CLMN: variants seen among roughly 807,000 people sequenced by gnomAD.
CLMN encodes the protein calmin (calponin-like, transmembrane).
Under a neutral mutation model 92.7 loss-of-function variants are expected in CLMN, and 57 were observed. That is an observed-to-expected ratio of 0.61 (90% CI 0.50 to 0.77). The LOEUF (loss-of-function observed/expected upper bound fraction) is 0.77. Among genes scored for constraint, CLMN ranks in the 30% least tolerant of loss-of-function variants. The pLI is 0.00. For missense variants in CLMN, 1,158 were observed against 1,237.5 expected, an observed-to-expected ratio of 0.94 and a Z score of 0.96; for synonymous variants, 466 against 470.6, an observed-to-expected ratio of 0.99 and a Z score of 0.13.
chr14:95,204,948 C>T (rs1054677252), intron 8 of CLMN, among the ~76,000 whole-genome samples: 1 of 152,172 alleles, frequency 6.6e-6, no homozygotes, highest in African/African-American at 2.4e-5. Context: ...GCCCTCCAAA[C>T]ACAAAAGCAA....
chr14:95,206,419 G>A (rs1385716071), intron 8 of CLMN, among the ~76,000 whole-genome samples: 1 of 151,972 alleles, frequency 6.6e-6, no homozygotes, highest in Non-Finnish European at 1.5e-5. Context: ...CATATTAACA[G>A]CATATTAAAG....
intron 2 of CLMN, among the ~76,000 whole-genome samples, chr14:95,228,587 T>C (rs1458669150): frequency 1.3e-5 from 2 of 152,268 alleles, no homozygotes; most frequent in Non-Finnish European, 2.9e-5. Flanking sequence ...CCACATTTAT[T>C]TTCTCTGCTT....
At chr14:95,312,059 G>A (rs1256824003) in intron 1 of CLMN, among the ~76,000 whole-genome samples, 8 of 152,022 alleles carry the variant, frequency 5.3e-5, no homozygotes, top group Non-Finnish European at 1.0e-4. Context: ...TGCCGCCACC[G>A]TGTTCTCCAC....
intron 1 of CLMN, among the ~76,000 whole-genome samples, chr14:95,278,792 C>T (rs1432063734): frequency 6.6e-6 from 1 of 152,102 alleles, no homozygotes; most frequent in Non-Finnish European, 1.5e-5. Context: ...GTTATGGAAA[C>T]ATCCCCACCC....
Position 95,197,332 on chromosome 14 carries a change from A to G in CLMN, c.2512-638T>C, listed in dbSNP as rs527490122. On this transcript the variant is annotated intron_variant, in intron 9 of 12. Transcript: ENST00000298912. ...GAAAGAAGAAAGGACAAGAAGAAGA[A>G]AGAAGAAAAGTAAAGAAGAAAAAAG... Among the ~76,000 whole-genome samples, 6 of 151,616 alleles carry G rather than the reference A, an allele frequency of 4.0e-5. No homozygotes were observed. In the South Asian group the frequency reaches 1.3e-3, roughly 32 times the overall value.
chr14:95,245,252 ATAATATATATATATATAT>A (rs1898489735), intron 1 of CLMN, among the ~76,000 whole-genome samples: 1 of 36,248 alleles, frequency 2.8e-5, no homozygotes, highest in Non-Finnish European at 4.3e-5. Context: ...ATATATATAT[ATAATATATATATATATAT>A]TATATATATA....
At chr14:95,197,289 A>G (rs1377564712) in intron 9 of CLMN, among the ~76,000 whole-genome samples, 1 of 151,664 alleles carries the variant, frequency 6.6e-6, no homozygotes, top group Non-Finnish European at 1.5e-5. Flanking sequence ...GAAGAAGGAG[A>G]AGGAGGAGGA....
intron 1 of CLMN, among the ~76,000 whole-genome samples, chr14:95,282,546 T>G (rs1244394352): frequency 2.0e-5 from 3 of 152,132 alleles, no homozygotes; most frequent in African/African-American, 7.2e-5. Flanking sequence ...AAATGAGAAC[T>G]GAGTGGCCAG....
chr14:95,273,385 T>C (rs2140725485), intron 1 of CLMN, among the ~76,000 whole-genome samples: 1 of 152,224 alleles, frequency 6.6e-6, no homozygotes, highest in East Asian at 1.9e-4. Flanking sequence ...CCCTATTCAC[T>C]CCTACCCTGG....
chr14:95,293,695 G>A (rs1263940044), intron 1 of CLMN, among the ~76,000 whole-genome samples: 7 of 38,926 alleles, frequency 1.8e-4, no homozygotes, highest in Non-Finnish European at 2.9e-4. Flanking sequence ...CCCCCGCCCC[G>A]CAGCCCTCTC....
intron 1 of CLMN, among the ~76,000 whole-genome samples, chr14:95,297,643 G>A (rs541700991): frequency 3.3e-4 from 50 of 152,298 alleles, no homozygotes; most frequent in Non-Finnish European, 5.1e-4. Context: ...CTTCTTCCAC[G>A]TAGTAGAAGG....
At position 95,203,479 on chromosome 14, in the gene CLMN, C is replaced by T. The variant is rs1311391947; in HGVS notation, c.1870G>A (p.Val624Ile). The change falls in exon 9 of 13, where the codon GTT (valine) becomes ATT (isoleucine). Residue 624 changes from valine (V) to isoleucine (I), a missense_variant. Coordinates refer to ENST00000298912, the MANE Select transcript of CLMN (RefSeq NM_024734.4). ...HKKKDSPEPQ[V>I]KMDKHEPHQD... is the part of the protein sequence containing the mutation. Reference sequence around the variant, plus strand: ...TGAGGTTCATGTTTGTCCATCTTAACTTGAGGCTCTGGCGAATCCTTCTTT... The same window carrying T: ...TGAGGTTCATGTTTGTCCATCTTAATTTGAGGCTCTGGCGAATCCTTCTTT... The T allele has an allele frequency of 6.2e-7, 1 of 1,614,188 alleles. No individual in the cohort carries two copies. Among genetic ancestry groups the T allele is most frequent in the Non-Finnish European group, 8.5e-7 (1 of 1,180,040 alleles).
intron 1 of CLMN, among the ~76,000 whole-genome samples, chr14:95,303,629 C>G (rs909860375): frequency 6.6e-6 from 1 of 152,200 alleles, no homozygotes; most frequent in African/African-American, 2.4e-5. Flanking sequence ...GCAATGCCCC[C>G]GATTTCTCCT....
intron 1 of CLMN, among the ~76,000 whole-genome samples, chr14:95,276,462 C>A (rs532735592): frequency 6.6e-6 from 1 of 152,272 alleles, no homozygotes; most frequent in East Asian, 1.9e-4. Context: ...AAAGGGGGAA[C>A]TTGGGAGCTG....
chr14:95,226,412 A>C (rs1897713731), intron 2 of CLMN, among the ~76,000 whole-genome samples: 1 of 152,134 alleles, frequency 6.6e-6, no homozygotes, highest in Non-Finnish European at 1.5e-5. Flanking sequence ...TGTTGGTTGA[A>C]GCCACAGATG....
Position 95,314,244 on chromosome 14 carries a change from C to A in CLMN, c.82+5467G>T, listed in dbSNP as rs191597110. Among the ~76,000 whole-genome samples, 634 of 152,280 alleles carry A rather than the reference C, an allele frequency of 4.2e-3. 4 individuals carry two copies. Among genetic ancestry groups the A allele is most frequent in the Non-Finnish European group, 7.6e-3 (516 of 68,024 alleles). ...CCCTAGGTACCTTCAACTTGACAGC[C>A]AAGGACAAGCCAAGAATGTACATCA... On this transcript the variant is annotated intron_variant, in intron 1 of 12. Coordinates refer to ENST00000298912, the MANE Select transcript of CLMN (RefSeq NM_024734.4).
chr14:95,256,021 T>C lies in CLMN; in HGVS notation c.83-25888A>G, dbSNP rs576921265. Among the ~76,000 whole-genome samples, 2 of 152,304 alleles carry C rather than the reference T, an allele frequency of 1.3e-5. No individual in the cohort carries two copies. The highest frequency in any genetic ancestry group is 1.9e-4 in the East Asian group (1 of 5,186). On this transcript the variant is annotated intron_variant, in intron 1 of 12. Coordinates refer to ENST00000298912, the MANE Select transcript of CLMN (RefSeq NM_024734.4). This position sits in a 1 kb window ranked among gnomAD's most constrained non-coding sequence, Gnocchi z 4.9. The stretch of plus-strand genomic sequence containing the variant: ...CCCTATGAGGCAGCTACTATCCTTA[T>C]CCCCATTTTACAAATGAGGAAACTG...
chr14:95,287,456 C>G (rs2140751943), intron 1 of CLMN, among the ~76,000 whole-genome samples: 1 of 152,282 alleles, frequency 6.6e-6, no homozygotes, highest in East Asian at 1.9e-4. Context: ...GCAGCTGGAT[C>G]CCTGTTTGTC....
intron 1 of CLMN, among the ~76,000 whole-genome samples, chr14:95,274,755 C>T (rs1899857448): frequency 2.6e-5 from 4 of 152,244 alleles, no homozygotes; most frequent in Admixed American, 2.0e-4. Flanking sequence ...CCAAAGCGGG[C>T]GGATCACCAG....
Sources: allele counts gnomAD v4.1 joint callset (sites outside exome capture counted in the v4.1 genomes callset), GRCh38; gene constraint gnomAD v4.1.1; non-coding constraint Gnocchi (gnomAD v3.1); transcripts MANE v1.5; gene names NCBI Gene and HGNC (gene_info 2026-07-23, HGNC 2026-07-21).